DYM: variants seen among roughly 807,000 people sequenced by gnomAD.
The protein encoded by DYM is dymeclin.
DYM carries 78 observed loss-of-function variants against 93.1 expected under a neutral mutation model. The observed-to-expected ratio is 0.84, with a 90% confidence interval of 0.70 to 1.01. The LOEUF (loss-of-function observed/expected upper bound fraction) is 1.01. Among genes scored for constraint, DYM ranks in the 50% least tolerant of loss-of-function variants. DYM has a pLI of 0.00. For synonymous variants in DYM, 321 were observed against 319.7 expected, an observed-to-expected ratio of 1.00 and a Z score of -0.04; for missense variants, 789 against 845.0, an observed-to-expected ratio of 0.93 and a Z score of 0.82.
At chr18:49,370,916 C>A (rs1449304668) in intron 5 of DYM, among the ~76,000 whole-genome samples, 1 of 152,190 alleles carries the variant, frequency 6.6e-6, no homozygotes, top group East Asian at 1.9e-4. Flanking sequence ...TTTCTAAGGA[C>A]TCCAACCCTA....
intron 8 of DYM, among the ~76,000 whole-genome samples, chr18:49,287,810 A>G (rs2059761791): frequency 6.9e-6 from 1 of 145,110 alleles, no homozygotes; most frequent in Non-Finnish European, 1.5e-5. Flanking sequence ...GCGCCACAAC[A>G]AGAGCGAAAC....
chr18:49,153,380 G>T (rs567218807), intron 15 of DYM, among the ~76,000 whole-genome samples: 1 of 152,100 alleles, frequency 6.6e-6, no homozygotes, highest in East Asian at 1.9e-4. Flanking sequence ...TTATTCACAG[G>T]GTTTGGCTCT....
intron 2 of DYM, among the ~76,000 whole-genome samples, chr18:49,400,676 C>T (rs562341642): frequency 6.6e-6 from 1 of 152,060 alleles, no homozygotes; most frequent in South Asian, 2.1e-4. Context: ...ATCAGCCAGG[C>T]ACACCCCTGC....
intron 8 of DYM, among the ~76,000 whole-genome samples, chr18:49,327,441 C>T (rs1157236738): frequency 6.6e-6 from 1 of 152,026 alleles, no homozygotes; most frequent in East Asian, 1.9e-4. Flanking sequence ...ACTGCAGCCT[C>T]GACCTTCCAG....
intron 15 of DYM, among the ~76,000 whole-genome samples, chr18:49,129,896 C>T (rs1187099988): frequency 1.3e-5 from 2 of 152,122 alleles, no homozygotes; most frequent in Admixed American, 1.3e-4. Context: ...AACATGTCTG[C>T]CCCTGAACAA....
chr18:49,350,762 G>T (rs560806543), intron 6 of DYM, among the ~76,000 whole-genome samples: 1 of 150,358 alleles, frequency 6.7e-6, no homozygotes, highest in South Asian at 2.1e-4. Context: ...CTTTTTATGC[G>T]GTATGCTATG....
At chr18:49,249,934 A>G (rs2094250742) in intron 13 of DYM, among the ~76,000 whole-genome samples, 1 of 152,226 alleles carries the variant, frequency 6.6e-6, no homozygotes. Context: ...TTTTAATTAA[A>G]ACCTAATCTA....
At chr18:49,105,226 T>C (rs1357349008) in intron 16 of DYM, among the ~76,000 whole-genome samples, 1 of 152,230 alleles carries the variant, frequency 6.6e-6, no homozygotes. Context: ...TGATGGCAGT[T>C]TGTATTTCTG....
Position 49,258,510 on chromosome 18 carries a change from A to T in DYM, c.1252-17T>A. On this transcript the variant is annotated splice_polypyrimidine_tract_variant and intron_variant, in intron 11 of 17. Transcript: ENST00000675505. ...TTTTAGTATCTGTAATGGGGAAGAAAAGTTTAAGTAAAAAATGATTGCTTT... is the reference window on the plus strand; with the variant it reads ...TTTTAGTATCTGTAATGGGGAAGAATAGTTTAAGTAAAAAATGATTGCTTT... 6.9e-7 allele frequency: 1 copy of T among 1,439,378 alleles called. No individual in the cohort carries two copies. Among genetic ancestry groups the T allele is most frequent in the Non-Finnish European group, 9.8e-7 (1 of 1,021,994 alleles). 89.2% of individuals were successfully genotyped at this position (1,439,378 alleles called of 1,614,324 possible). A position where few individuals can be genotyped will look rare whatever the true frequency, so the allele number is the denominator to read the frequency against.
At chr18:49,080,122 C>G (rs201160037) in intron 17 of DYM, among the ~76,000 whole-genome samples, 61 of 60,594 alleles carry the variant, frequency 1.0e-3, no homozygotes, top group Non-Finnish European at 2.4e-3. Flanking sequence ...CTGACCCCCC[C>G]ACCTCCCTCC....
intron 8 of DYM, among the ~76,000 whole-genome samples, chr18:49,287,062 G>A (rs1164484879): frequency 6.6e-6 from 1 of 151,954 alleles, no homozygotes; most frequent in African/African-American, 2.4e-5. Context: ...GTGATGGCAG[G>A]CGCCTGTAGT....
intron 11 of DYM, among the ~76,000 whole-genome samples, chr18:49,269,187 G>T (rs568579537): frequency 6.6e-6 from 1 of 152,142 alleles, no homozygotes; most frequent in African/African-American, 2.4e-5. Context: ...TGGTCAACAA[G>T]TATATGAAAA....
chr18:49,046,949 TA>T (rs935423535), intron 17 of DYM, among the ~76,000 whole-genome samples: 13 of 152,048 alleles, frequency 8.5e-5, no homozygotes, highest in Non-Finnish European at 1.5e-4. Context: ...GAAAACCAAC[TA>T]AAAACATCTA....
intron 6 of DYM, among the ~76,000 whole-genome samples, chr18:49,357,611 G>A (rs2065675532): frequency 1.3e-5 from 2 of 152,164 alleles, no homozygotes; most frequent in Admixed American, 1.3e-4. Flanking sequence ...TAGACTAGAT[G>A]CTGAGAAACA....
intron 17 of DYM, among the ~76,000 whole-genome samples, chr18:49,065,805 A>G (rs1050641098): frequency 6.6e-6 from 1 of 152,214 alleles, no homozygotes; most frequent in Admixed American, 6.5e-5. Context: ...ACTTTGATGT[A>G]TCTCTTTCTA....
At chr18:49,227,961 T>TA (rs2093587319) in intron 13 of DYM, among the ~76,000 whole-genome samples, 1 of 152,188 alleles carries the variant, frequency 6.6e-6, no homozygotes, top group Non-Finnish European at 1.5e-5. Context: ...CCCCGATTGC[T>TA]ACATGCACAT....
chr18:49,392,681 T>TAAAAAAAAAAAAA (rs869086187), intron 2 of DYM, among the ~76,000 whole-genome samples: 2 of 68,470 alleles, frequency 2.9e-5, no homozygotes, highest in African/African-American at 1.3e-4. Flanking sequence ...GGCTTTTATT[T>TAAAAAAAAAAAAA]AAAAAAAAAA....
chr18:49,067,309 G>C (rs1292744262), intron 17 of DYM, among the ~76,000 whole-genome samples: 2 of 132,884 alleles, frequency 1.5e-5, no homozygotes, highest in African/African-American at 5.8e-5. Flanking sequence ...AGGTTCAGTA[G>C]AGGAAGGAGT....
chr18:49,407,102 G>C (rs1374686042), intron 2 of DYM, among the ~76,000 whole-genome samples: 1 of 152,166 alleles, frequency 6.6e-6, no homozygotes, highest in Non-Finnish European at 1.5e-5. Context: ...TTCTCAAAAT[G>C]TTACGTAATG....
Sources: allele counts gnomAD v4.1 joint callset (sites outside exome capture counted in the v4.1 genomes callset), GRCh38; gene constraint gnomAD v4.1.1; transcripts MANE v1.5; gene names NCBI Gene and HGNC (gene_info 2026-07-23, HGNC 2026-07-21).